Variants in MVB12B observed in about 807,000 individuals in gnomAD.
MVB12B encodes multivesicular body subunit 12B.
MVB12B carries 16 observed loss-of-function variants against 41.6 expected under a neutral mutation model. That is an observed-to-expected ratio of 0.38 (90% CI 0.26 to 0.58). MVB12B has a LOEUF of 0.58. Among genes scored for constraint, MVB12B ranks in the 20% least tolerant of loss-of-function variants. MVB12B has a pLI of 0.62. For missense variants in MVB12B, 274 were observed against 380.2 expected, an observed-to-expected ratio of 0.72 and a Z score of 2.32; for synonymous variants, 133 against 139.7, an observed-to-expected ratio of 0.95 and a Z score of 0.34.
Position 126,503,652 on chromosome 9 carries a change from C to T in MVB12B, c.*389C>T. The T allele has an allele frequency of 3.7e-6, 1 of 271,722 alleles. No homozygotes were observed. The highest frequency in any genetic ancestry group is 1.2e-3 in the Middle Eastern group (1 of 842). The allele number at this position is 271,722 out of a possible 1,614,324, so 16.8% of individuals were successfully genotyped here. A position where few individuals can be genotyped will look rare whatever the true frequency, so the allele number is the denominator to read the frequency against. On this transcript the variant is annotated 3_prime_UTR_variant, in exon 10 of 10. Transcript: ENST00000361171. ...CGCTCCCTCCTGTCACCTACCAGGG[C>T]AGACCCCACTAAGCCGTTGAGTCTC...
intron 2 of MVB12B, among the ~76,000 whole-genome samples, chr9:126,374,537 CAG>C (rs889148299): frequency 5.6e-4 from 86 of 152,330 alleles, no homozygotes; most frequent in African/African-American, 1.9e-3. Flanking sequence ...CTATGTGAGA[CAG>C]GGGTGGGGGC....
At chr9:126,414,988 C>T (rs1831769568) in intron 6 of MVB12B, among the ~76,000 whole-genome samples, 1 of 152,118 alleles carries the variant, frequency 6.6e-6, no homozygotes, top group Non-Finnish European at 1.5e-5. Context: ...CCTCGGCCTT[C>T]CAAAGTCCTG....
intron 6 of MVB12B, among the ~76,000 whole-genome samples, chr9:126,413,352 G>A (rs1356562124): frequency 1.3e-5 from 2 of 152,144 alleles, no homozygotes; most frequent in Non-Finnish European, 2.9e-5. Flanking sequence ...GTGGAGTAGG[G>A]GGGGTCTCAG....
rs958476136 is a variant in MVB12B, at chr9:126,459,443, G to A, written c.758-21926G>A. On this transcript the variant is annotated intron_variant, in intron 7 of 9. Transcript: ENST00000361171. The surrounding 1 kb of genome is among the most constrained non-coding windows in gnomAD (Gnocchi z 4.3). ...TGCCCCTAGCATGGTTAGTCCTTCCGGGTAATGGAGAGTCCTGTTGCTTCA... is the reference window on the plus strand; with the variant it reads ...TGCCCCTAGCATGGTTAGTCCTTCCAGGTAATGGAGAGTCCTGTTGCTTCA... Among the ~76,000 whole-genome samples the A allele has an allele frequency of 8.5e-5, 13 of 152,178 alleles. No homozygotes were observed. Among genetic ancestry groups the A allele is most frequent in the Non-Finnish European group, 1.8e-4 (12 of 68,026 alleles).
At chr9:126,331,506 C>G (rs1397783459) in intron 1 of MVB12B, among the ~76,000 whole-genome samples, 1 of 152,040 alleles carries the variant, frequency 6.6e-6, no homozygotes, top group South Asian at 2.1e-4. Context: ...TTTTATAGAT[C>G]CACATATTAA....
intron 7 of MVB12B, among the ~76,000 whole-genome samples, chr9:126,461,756 C>T (rs1041020110): frequency 4.0e-5 from 6 of 151,240 alleles, no homozygotes; most frequent in Non-Finnish European, 4.4e-5. Flanking sequence ...GGAGCCTGGG[C>T]GTGGAGGTGG....
chr9:126,369,854 T>C (rs980051511), intron 2 of MVB12B, among the ~76,000 whole-genome samples: 9 of 152,212 alleles, frequency 5.9e-5, no homozygotes, highest in Admixed American at 2.6e-4. Context: ...GGTTTCTTCA[T>C]GTTGGTCAGG....
chr9:126,390,689 G>A (rs777988478), intron 4 of MVB12B, among the ~76,000 whole-genome samples: 5 of 152,140 alleles, frequency 3.3e-5, no homozygotes, highest in African/African-American at 9.7e-5. Flanking sequence ...GGCCAGGCGC[G>A]GTGGCTCACG....
chr9:126,443,648 A>C (rs1183555866), intron 7 of MVB12B, among the ~76,000 whole-genome samples: 3 of 152,224 alleles, frequency 2.0e-5, no homozygotes, highest in African/African-American at 7.2e-5. Context: ...CACTTTTTCT[A>C]TGCCATATGT....
Position 126,503,568 on chromosome 9 carries a change from T to C in MVB12B, c.*305T>C, listed in dbSNP as rs1430603435. On this transcript the variant is annotated 3_prime_UTR_variant, in exon 10 of 10. Transcript: ENST00000361171. ...TCCAAAAACCTCACTCACCACGGAG[T>C]CACCCTGAGGGCCCCGGGCAGTTGC... 3 of 434,864 alleles carry C rather than the reference T, an allele frequency of 6.9e-6. No individual in the cohort carries two copies. The allele number at this position is 434,864 out of a possible 1,614,324, so 26.9% of individuals were successfully genotyped here.
At chr9:126,405,624 C>T (rs1831397660) in intron 6 of MVB12B, among the ~76,000 whole-genome samples, 2 of 150,876 alleles carry the variant, frequency 1.3e-5, no homozygotes, top group African/African-American at 4.9e-5. Context: ...CCACCCCCTA[C>T]CCCCCGCCCC....
At chr9:126,421,302 A>T (rs1832009987) in intron 6 of MVB12B, among the ~76,000 whole-genome samples, 2 of 152,228 alleles carry the variant, frequency 1.3e-5, no homozygotes, top group African/African-American at 4.8e-5. Flanking sequence ...GAACACACAG[A>T]CATAGCAGTT....
intron 2 of MVB12B, among the ~76,000 whole-genome samples, chr9:126,348,689 G>A (rs1829664941): frequency 6.6e-6 from 1 of 152,118 alleles, no homozygotes; most frequent in African/African-American, 2.4e-5. Flanking sequence ...TTAATTGGAT[G>A]GTTGAAAAAA....
rs189573278 is a variant in MVB12B, at chr9:126,495,147, G to A, written c.874-8030G>A. ...GTCAAGGCTGCAGTAAGCTGAGATC[G>A]AGCCACTGCACTCCAGCCTGGGTAA... On this transcript the variant is annotated intron_variant, in intron 9 of 9. Transcript: ENST00000361171. Among the ~76,000 whole-genome samples the A allele has an allele frequency of 2.3e-3, 347 of 149,746 alleles. 1 individual carries two copies. Among genetic ancestry groups the A allele is most frequent in the Non-Finnish European group, 4.1e-3 (281 of 67,732 alleles).
At chr9:126,377,362 A>G (rs771624077) in intron 2 of MVB12B, among the ~76,000 whole-genome samples, 4 of 152,190 alleles carry the variant, frequency 2.6e-5, no homozygotes, top group Non-Finnish European at 5.9e-5. Flanking sequence ...CAGCAGACAT[A>G]TCGAGTTGTC....
chr9:126,415,240 G>C (rs535315246), intron 6 of MVB12B, among the ~76,000 whole-genome samples: 31 of 152,272 alleles, frequency 2.0e-4, no homozygotes, highest in Middle Eastern at 3.4e-3. Flanking sequence ...TCATGAACCA[G>C]AGGCCTTTGT....
rs1564348300 is a variant in MVB12B, at chr9:126,486,419, A to C, written c.873+2387A>C. On this transcript the variant is annotated intron_variant, in intron 9 of 9. Coordinates refer to ENST00000361171, the MANE Select transcript of MVB12B (RefSeq NM_033446.3). The surrounding 1 kb of genome is among the most constrained non-coding windows in gnomAD (Gnocchi z 4.7). ...ACAGGTGGTCACCAGGGCAGAGGTT[A>C]CACTGACATACCTCCAGACCAGCCC... Among the ~76,000 whole-genome samples the C allele has an allele frequency of 6.6e-6, 1 of 152,164 alleles. No individual in the cohort carries two copies. Among genetic ancestry groups the C allele is most frequent in the Admixed American group, 6.5e-5 (1 of 15,284 alleles).
At chr9:126,484,330 G>T (rs1833589381) in intron 9 of MVB12B, among the ~76,000 whole-genome samples, 1 of 152,216 alleles carries the variant, frequency 6.6e-6, no homozygotes, top group Admixed American at 6.5e-5. Context: ...TCTCAGCTTT[G>T]GGAAGGTGGA....
chr9:126,405,955 C>T (rs1445450575), intron 6 of MVB12B, among the ~76,000 whole-genome samples: 1 of 151,080 alleles, frequency 6.6e-6, no homozygotes, highest in African/African-American at 2.4e-5. Context: ...CACCTACACA[C>T]ACAGAGATAG....
Sources: allele counts gnomAD v4.1 joint callset (sites outside exome capture counted in the v4.1 genomes callset), GRCh38; gene constraint gnomAD v4.1.1; non-coding constraint Gnocchi (gnomAD v3.1); transcripts MANE v1.5; gene names NCBI Gene and HGNC (gene_info 2026-07-23, HGNC 2026-07-21).